Variants in TCF4 observed in about 807,000 individuals in gnomAD.
The protein encoded by TCF4 is SL3-3 enhancer factor 2.
In TCF4, 3 loss-of-function variants were observed where a neutral mutation model predicts 82.1. The ratio of observed to expected loss-of-function variants is 0.04; its 90% confidence interval spans 0.02 to 0.09. The LOEUF (loss-of-function observed/expected upper bound fraction) is 0.09, where lower values mean the gene tolerates loss of function less well. Ranked by LOEUF, TCF4 falls within the 10% of genes least tolerant of loss-of-function variation. The pLI is 1.00. For missense variants in TCF4, 518 were observed against 852.7 expected, an observed-to-expected ratio of 0.61 and a Z score of 4.89; for synonymous variants, 276 against 309.6, an observed-to-expected ratio of 0.89 and a Z score of 1.14.
At chr18:55,379,885 T>C (rs370851098) in intron 6 of TCF4, among the ~76,000 whole-genome samples, 3 of 151,890 alleles carry the variant, frequency 2.0e-5, no homozygotes. Context: ...TCTGGAGGGG[T>C]TGGGGAGAGA....
intron 3 of TCF4, among the ~76,000 whole-genome samples, chr18:55,521,040 G>A (rs966867483): frequency 2.0e-5 from 3 of 152,118 alleles, no homozygotes; most frequent in Non-Finnish European, 4.4e-5. Context: ...TGATAAGGCT[G>A]AGGGGGGTCA....
chr18:55,287,186 C>T (rs1195245243), intron 8 of TCF4, among the ~76,000 whole-genome samples: 1 of 152,134 alleles, frequency 6.6e-6, no homozygotes, highest in Non-Finnish European at 1.5e-5. Context: ...CTTCCGTCTA[C>T]CAGAATGCAC....
At chr18:55,529,450 A>C (rs895268073) in intron 3 of TCF4, among the ~76,000 whole-genome samples, 1 of 152,152 alleles carries the variant, frequency 6.6e-6, no homozygotes. Context: ...GCAAAGAAGC[A>C]GTGAGAGAGA....
chr18:55,395,665 A>G (rs957944430), intron 6 of TCF4, among the ~76,000 whole-genome samples: 1 of 152,230 alleles, frequency 6.6e-6, no homozygotes, highest in Non-Finnish European at 1.5e-5. Context: ...ATCTCGCTGT[A>G]TGTAGCTCTT....
intron 3 of TCF4, among the ~76,000 whole-genome samples, chr18:55,496,882 G>C: frequency 8.2e-6 from 1 of 122,302 alleles, no homozygotes; most frequent in East Asian, 2.3e-4. Context: ...AACTGAACAA[G>C]AGCTGTAAAA....
chr18:55,473,836 T>C (rs2096237027), intron 3 of TCF4, among the ~76,000 whole-genome samples: 1 of 152,202 alleles, frequency 6.6e-6, no homozygotes, highest in Non-Finnish European at 1.5e-5. Context: ...TCCCTTGTAA[T>C]TGGAAAAAGG....
intron 8 of TCF4, among the ~76,000 whole-genome samples, chr18:55,347,488 T>C (rs1468659828): frequency 6.6e-6 from 1 of 151,948 alleles, no homozygotes; most frequent in Non-Finnish European, 1.5e-5. Context: ...TGACGTGAGG[T>C]CTCTAGGTGC....
chr18:55,581,773 C>T (rs2097577139), intron 3 of TCF4, among the ~76,000 whole-genome samples: 1 of 152,056 alleles, frequency 6.6e-6, no homozygotes, highest in Admixed American at 6.6e-5. Context: ...AGGTAAATTT[C>T]AGGCAATACT....
At chr18:55,232,459 C>G in intron 17 of TCF4, 50 bp downstream of exon 17, 1 of 1,603,388 alleles carries the variant, frequency 6.2e-7, no homozygotes, top group Non-Finnish European at 8.5e-7. Context: ...TTCACTTCAT[C>G]AAAGTCCAAT....
intron 5 of TCF4, among the ~76,000 whole-genome samples, chr18:55,412,391 G>A (rs1157717111): frequency 2.7e-5 from 4 of 149,856 alleles, no homozygotes; most frequent in African/African-American, 7.4e-5. Flanking sequence ...TTGCCAAATC[G>A]ATTCCCCTAA....
chr18:55,308,198 T>G (rs2071012832), intron 8 of TCF4, among the ~76,000 whole-genome samples: 1 of 152,208 alleles, frequency 6.6e-6, no homozygotes, highest in Non-Finnish European at 1.5e-5. Context: ...AAATGACTGC[T>G]AAGGACAAGA....
chr18:55,467,311 C>T lies in TCF4; in HGVS notation c.146-3174G>A, dbSNP rs201075709. Among the ~76,000 whole-genome samples the T allele has an allele frequency of 1.8e-4, 27 of 152,254 alleles. No homozygotes were observed. In the East Asian group the frequency reaches 5.2e-3, roughly 29 times the overall value. On this transcript the variant is annotated intron_variant, in intron 3 of 19. Coordinates refer to ENST00000354452, the MANE Select transcript of TCF4 (RefSeq NM_001083962.2). ...TTTGTCAGGCCTGCCCCTTAGTTAG[C>T]ATTTCCTCAATAACTATTCCAGTGC... is the stretch of plus-strand genomic sequence containing the variant.
At chr18:55,262,485 C>T (rs1050216019) in intron 11 of TCF4, among the ~76,000 whole-genome samples, 1 of 152,110 alleles carries the variant, frequency 6.6e-6, no homozygotes, top group Non-Finnish European at 1.5e-5. Flanking sequence ...TATTAAAGTT[C>T]TGAGGGAAGA....
intron 5 of TCF4, among the ~76,000 whole-genome samples, chr18:55,434,949 T>C (rs1257891227): frequency 6.6e-6 from 1 of 152,298 alleles, no homozygotes; most frequent in Non-Finnish European, 1.5e-5. Flanking sequence ...ACAATTATAC[T>C]CTTCCAGTTA....
At chr18:55,406,465 C>T (rs925617713) in intron 5 of TCF4, among the ~76,000 whole-genome samples, 1 of 152,098 alleles carries the variant, frequency 6.6e-6, no homozygotes, top group African/African-American at 2.4e-5. Flanking sequence ...AAGAAACTAT[C>T]TTTTGTGTAA....
chr18:55,247,616 T>C (rs553449359), intron 15 of TCF4, among the ~76,000 whole-genome samples: 13 of 152,324 alleles, frequency 8.5e-5, no homozygotes, highest in Admixed American at 2.6e-4. Context: ...AAGCACTGTG[T>C]TCAGTTTGCG....
chr18:55,635,488 G>A (rs1186131905), intron 1 of TCF4, among the ~76,000 whole-genome samples: 1 of 149,786 alleles, frequency 6.7e-6, no homozygotes, highest in Non-Finnish European at 1.5e-5. Flanking sequence ...CAGCCTGTGA[G>A]ACAGAGTGAG....
intron 3 of TCF4, among the ~76,000 whole-genome samples, chr18:55,509,603 T>C (rs1294314738): frequency 6.6e-6 from 1 of 152,166 alleles, no homozygotes; most frequent in Non-Finnish European, 1.5e-5. Flanking sequence ...AAGAGTAAAA[T>C]GGCTAGTGGC....
intron 6 of TCF4, among the ~76,000 whole-genome samples, chr18:55,391,314 C>A (rs1300916250): frequency 6.6e-6 from 1 of 152,168 alleles, no homozygotes; most frequent in African/African-American, 2.4e-5. Context: ...TATTCCCCAA[C>A]TTTCATGAGT....
Sources: allele counts gnomAD v4.1 joint callset (sites outside exome capture counted in the v4.1 genomes callset), GRCh38; gene constraint gnomAD v4.1.1; transcripts MANE v1.5; gene names NCBI Gene and HGNC (gene_info 2026-07-23, HGNC 2026-07-21).